SAMD12: variants seen among roughly 807,000 people sequenced by gnomAD.
The protein encoded by SAMD12 is sterile alpha motif domain containing 12, also known as sterile alpha motif domain-containing protein 12.
In SAMD12, 9 loss-of-function variants were observed where a neutral mutation model predicts 15.0. That is an observed-to-expected ratio of 0.60 (90% CI 0.36 to 1.05). The LOEUF is 1.05. Ranked by LOEUF, SAMD12 falls within the 50% of genes least tolerant of loss-of-function variation. The pLI is 0.01. For missense variants in SAMD12, 230 were observed against 234.2 expected (o/e 0.98, Z 0.12); for synonymous variants, 86 against 90.1 (o/e 0.96, Z 0.25).
At chr8:118,528,451 T>A (rs1213592989) in intron 2 of SAMD12, among the ~76,000 whole-genome samples, 1 of 152,280 alleles carries the variant, frequency 6.6e-6, no homozygotes, top group Non-Finnish European at 1.5e-5. Flanking sequence ...TATAACAATC[T>A]GGTCCACATG....
chr8:118,343,179 C>A (rs969697893), intron 4 of SAMD12, among the ~76,000 whole-genome samples: 8 of 151,988 alleles, frequency 5.3e-5, no homozygotes, highest in African/African-American at 1.9e-4. Context: ...CCCCGTGCAC[C>A]AATCTTTCCC....
At chr8:118,533,127 T>C (rs1259394667) in intron 2 of SAMD12, among the ~76,000 whole-genome samples, 1 of 152,240 alleles carries the variant, frequency 6.6e-6, no homozygotes, top group Non-Finnish European at 1.5e-5. Flanking sequence ...CCAGAGATTC[T>C]GGTATGTTGT....
At chr8:118,134,868 T>C in the SAMD12 span, among the ~76,000 whole-genome samples, 1 of 152,162 alleles carries the variant, frequency 6.6e-6, no homozygotes, top group East Asian at 1.9e-4. Flanking sequence ...ACTCTCTTGC[T>C]CATTATTGTC....
At position 118,232,131 on chromosome 8, in the gene SAMD12, A is replaced by T. The variant is rs111398097; in HGVS notation, c.434-34399T>A. Among the ~76,000 whole-genome samples, 449 of 152,154 alleles carry T rather than the reference A, an allele frequency of 3.0e-3. 4 individuals are homozygous for T. The highest frequency in any genetic ancestry group is 0.01 in the African/African-American group (430 of 41,516). On this transcript the variant is annotated intron_variant, in intron 4 of 4. Transcript: ENST00000409003. ...GTCCCTCTGTTATAGCATTTACCCC[A>T]CTGTTCTACATGAGGAGGATAAGAC... is the stretch of plus-strand genomic sequence containing the variant.
intron 2 of SAMD12, among the ~76,000 whole-genome samples, chr8:118,498,262 T>C (rs6996656): frequency 1.9e-4 from 29 of 152,354 alleles, no homozygotes; most frequent in African/African-American, 6.7e-4. Context: ...GGGTCCTGTT[T>C]ATACAACGAG....
intron 4 of SAMD12, among the ~76,000 whole-genome samples, chr8:118,267,820 G>T (rs1181349066): frequency 1.3e-5 from 2 of 152,102 alleles, no homozygotes; most frequent in Non-Finnish European, 2.9e-5. Flanking sequence ...GCTGGGCATG[G>T]TGGTTCACAC....
intron 2 of SAMD12, among the ~76,000 whole-genome samples, chr8:118,483,819 C>A (rs553604987): frequency 2.6e-5 from 4 of 152,078 alleles, no homozygotes; most frequent in Admixed American, 2.6e-4. Flanking sequence ...GTCATTCTTA[C>A]CCCCATTTCG....
At chr8:118,387,393 T>C (rs1820020387) in intron 3 of SAMD12, among the ~76,000 whole-genome samples, 1 of 152,132 alleles carries the variant, frequency 6.6e-6, no homozygotes, top group Non-Finnish European at 1.5e-5. Context: ...GGAACCACAA[T>C]AACACAATTT....
chr8:118,488,347 T>C (rs1824345783), intron 2 of SAMD12, among the ~76,000 whole-genome samples: 1 of 152,174 alleles, frequency 6.6e-6, no homozygotes, highest in East Asian at 1.9e-4. Flanking sequence ...CCATATACAA[T>C]TTATTTTAAT....
chr8:118,144,482 C>T, the SAMD12 span, among the ~76,000 whole-genome samples: 1 of 152,050 alleles, frequency 6.6e-6, no homozygotes. Flanking sequence ...ACATAGTAGA[C>T]ATTTAATGAT....
intron 4 of SAMD12, among the ~76,000 whole-genome samples, chr8:118,235,303 C>A (rs181912764): frequency 8.5e-5 from 13 of 152,064 alleles, no homozygotes; most frequent in African/African-American, 3.1e-4. Flanking sequence ...TTCTGCCTCA[C>A]GGGTTCAAGT....
At chr8:118,550,532 T>C (rs1428546306) in intron 2 of SAMD12, among the ~76,000 whole-genome samples, 7 of 152,106 alleles carry the variant, frequency 4.6e-5, no homozygotes, top group Non-Finnish European at 1.0e-4. Context: ...AAGGAAGCAC[T>C]AAACATGGAA....
chr8:118,449,990 G>C (rs997978716), intron 2 of SAMD12, among the ~76,000 whole-genome samples: 1 of 152,086 alleles, frequency 6.6e-6, no homozygotes, highest in Non-Finnish European at 1.5e-5. Context: ...ATTTCTCTCT[G>C]AAACTCAGAA....
intron 2 of SAMD12, among the ~76,000 whole-genome samples, chr8:118,479,273 G>C (rs546802060): frequency 3.9e-5 from 6 of 152,100 alleles, no homozygotes; most frequent in African/African-American, 1.4e-4. Flanking sequence ...CCCACACCTG[G>C]ATCACTGTTA....
At chr8:118,267,881 A>G (rs1428838705) in intron 4 of SAMD12, among the ~76,000 whole-genome samples, 1 of 152,150 alleles carries the variant, frequency 6.6e-6, no homozygotes, top group African/African-American at 2.4e-5. Flanking sequence ...ACCTGAGGTC[A>G]GGAGTTTGAG....
In SAMD12 at chr8:118,336,085, C is replaced by CA; in HGVS notation, c.433+43474dup. Among the ~76,000 whole-genome samples the CA allele has an allele frequency of 2.0e-5, 3 of 152,250 alleles. No individual in the cohort carries two copies. In the Middle Eastern group the frequency reaches 0.01, roughly 518 times the overall value. On this transcript the variant is annotated intron_variant, in intron 4 of 4. Coordinates refer to the SAMD12 transcript ENST00000409003. Reference sequence around the variant, plus strand: ...GTAAGGAGATGTTACTTCCATGCTACAAATTAGTTCATTAAGATTTGGCAA... The same window carrying CA: ...GTAAGGAGATGTTACTTCCATGCTACAAAATTAGTTCATTAAGATTTGGCAA...
chr8:118,546,448 C>G (rs1419151382), intron 2 of SAMD12, among the ~76,000 whole-genome samples: 3 of 152,042 alleles, frequency 2.0e-5, no homozygotes, highest in Non-Finnish European at 4.4e-5. Context: ...AAGGGGCCCA[C>G]CGGGAGGGGA....
the SAMD12 span, among the ~76,000 whole-genome samples, chr8:118,154,449 A>G: frequency 4.6e-5 from 7 of 152,198 alleles, no homozygotes; most frequent in Non-Finnish European, 1.0e-4. Context: ...TTGTGTTCCC[A>G]TGACATGCTG....
intron 2 of SAMD12, among the ~76,000 whole-genome samples, chr8:118,516,367 T>C (rs1039124586): frequency 6.6e-6 from 1 of 152,258 alleles, no homozygotes; most frequent in African/African-American, 2.4e-5. Context: ...CTCAATTTTG[T>C]ATAACTTTTT....
Sources: allele counts gnomAD v4.1 joint callset (sites outside exome capture counted in the v4.1 genomes callset), GRCh38; gene constraint gnomAD v4.1.1; transcripts MANE v1.5; gene names NCBI Gene and HGNC (gene_info 2026-07-23, HGNC 2026-07-21).